The following CCDC63 variants were observed in gnomAD, a reference collection of about 807,000 sequenced individuals.
The protein encoded by CCDC63 is coiled-coil domain-containing protein 63.
In CCDC63, 54 loss-of-function variants were observed where a neutral mutation model predicts 63.6. That is an observed-to-expected ratio of 0.85 (90% CI 0.68 to 1.07). The LOEUF is 1.07. CCDC63 is among the 50% of genes least tolerant of loss of function. CCDC63 has a pLI of 0.00. For missense variants in CCDC63, 637 were observed against 689.6 expected (o/e 0.92, Z 0.86); for synonymous variants, 253 against 266.1 (o/e 0.95, Z 0.48).
intron 3 of CCDC63, among the ~76,000 whole-genome samples, chr12:110,858,274 T>C (rs1018068909): frequency 6.6e-6 from 1 of 152,108 alleles, no homozygotes; most frequent in Non-Finnish European, 1.5e-5. Context: ...GCCAGGGAGT[T>C]GCTGGCAAAG....
At chr12:110,896,739 A>T (rs1441700221) in intron 9 of CCDC63, among the ~76,000 whole-genome samples, 3 of 152,092 alleles carry the variant, frequency 2.0e-5, no homozygotes, top group Non-Finnish European at 4.4e-5. Context: ...GCCAATTAAG[A>T]CTCTGAATCA....
At chr12:110,870,672 C>T (rs1307950509) in intron 4 of CCDC63, among the ~76,000 whole-genome samples, 1 of 152,182 alleles carries the variant, frequency 6.6e-6, no homozygotes, top group Non-Finnish European at 1.5e-5. Context: ...TGTTACCTTC[C>T]TTCAGTCACA....
chr12:110,895,169 A>G (rs1006382863), intron 9 of CCDC63, among the ~76,000 whole-genome samples: 28 of 152,168 alleles, frequency 1.8e-4, no homozygotes, highest in African/African-American at 6.8e-4. Context: ...GCTGGAATGC[A>G]GTGGCACGAT....
intron 4 of CCDC63, among the ~76,000 whole-genome samples, chr12:110,859,295 G>A (rs1001950526): frequency 1.3e-5 from 2 of 152,010 alleles, no homozygotes; most frequent in Admixed American, 6.6e-5. Flanking sequence ...TTCCAGTCTG[G>A]AAGTGAAACA....
In CCDC63 at chr12:110,904,610, C is replaced by T. The variant is rs757358650; in HGVS notation, c.1365C>T (p.Asn455=). 74 of 1,613,946 alleles carry T rather than the reference C, an allele frequency of 4.6e-5. No homozygotes were observed. Among genetic ancestry groups the T allele is most frequent in the Middle Eastern group, 1.6e-4 (1 of 6,084 alleles). The change falls in exon 11 of 12, where the codon AAC becomes AAT. Residue 455 remains asparagine (N), a synonymous_variant. Transcript: ENST00000308208. ...CAGCCATCATTGAAAAGAAGACCAA[C>T]GACCTGCTGCTGTTGGAGACCTACA... ...QYFAIIEKKT[N]DLLLLETYRR...
intron 3 of CCDC63, among the ~76,000 whole-genome samples, chr12:110,857,620 C>A (rs558596379): frequency 3.8e-4 from 58 of 152,202 alleles, no homozygotes; most frequent in African/African-American, 1.4e-3. Flanking sequence ...GTGTCAGTCT[C>A]CAGACTGCCA....
chr12:110,904,893 A>T (rs1024679692), intron 11 of CCDC63, 102 bp downstream of exon 11: 1 of 903,232 alleles, frequency 1.1e-6, no homozygotes, highest in Non-Finnish European at 1.6e-6. Context: ...GCAGTGTTGA[A>T]CCTCGGTTTC....
Position 110,884,253 on chromosome 12 carries a change from C to T in CCDC63, c.1074+3C>T. On this transcript the variant is annotated splice_donor_region_variant and intron_variant, in intron 8 of 11. Coordinates refer to ENST00000308208, the MANE Select transcript of CCDC63 (RefSeq NM_152591.3). ...ACAAGAGGACCCAACGAATCCAGGT[C>T]AGGGCGGCTCTGCTTTCCCAGGCCC... 1 of 1,613,076 alleles carries T rather than the reference C, an allele frequency of 6.2e-7. No individual in the cohort carries two copies. The highest frequency in any genetic ancestry group is 8.5e-7 in the Non-Finnish European group (1 of 1,179,216).
chr12:110,845,276 G>A (rs2070625506), upstream of CCDC63, among the ~76,000 whole-genome samples: 1 of 152,174 alleles, frequency 6.6e-6, no homozygotes, highest in Admixed American at 6.5e-5. Flanking sequence ...GGCTCTGCAT[G>A]GAGCTGAGTG....
Position 110,899,115 on chromosome 12 carries a change from G to A in CCDC63, c.1332G>A (p.Pro444=), listed in dbSNP as rs749340298. 41 of 1,610,668 alleles carry A rather than the reference G, an allele frequency of 2.5e-5. No individual in the cohort carries two copies. The highest frequency in any genetic ancestry group is 2.5e-4 in the East Asian group (11 of 44,742). Residue 444 remains proline (P), a synonymous_variant, in exon 10 of 12, where the codon CCG becomes CCA. Coordinates refer to ENST00000308208, the MANE Select transcript of CCDC63 (RefSeq NM_152591.3). ...ETGKVTDINL[P]QYFAIIEKKT... is the part of the protein sequence containing the mutation. ...GGAAAGTCACTGACATCAACCTTCC[G>A]CAGTATTTTGGTGAGTCAAGCTGGG...
intron 8 of CCDC63, among the ~76,000 whole-genome samples, chr12:110,886,854 G>A (rs1414052181): frequency 3.3e-5 from 5 of 152,142 alleles, no homozygotes; most frequent in African/African-American, 1.2e-4. Flanking sequence ...AGGTCTTCCT[G>A]GACAAGGGTC....
At chr12:110,850,885 C>T (rs2070697318) in intron 1 of CCDC63, among the ~76,000 whole-genome samples, 1 of 152,198 alleles carries the variant, frequency 6.6e-6, no homozygotes, top group African/African-American at 2.4e-5. Flanking sequence ...TCCTTCTCAC[C>T]CTTTGCCCGA....
At chr12:110,868,065 G>A (rs1442537367) in intron 4 of CCDC63, among the ~76,000 whole-genome samples, 26 of 150,138 alleles carry the variant, frequency 1.7e-4, no homozygotes, top group Non-Finnish European at 3.1e-4. Flanking sequence ...GGTCTCGGCC[G>A]GGCAGAGGTG....
intron 8 of CCDC63, among the ~76,000 whole-genome samples, chr12:110,892,818 C>A (rs1204786204): frequency 2.0e-5 from 3 of 146,732 alleles, no homozygotes; most frequent in African/African-American, 2.5e-5. Context: ...GACTTCATCT[C>A]AAAAAAAAAA....
At chr12:110,886,826 T>C (rs1593683583) in intron 8 of CCDC63, among the ~76,000 whole-genome samples, 1 of 152,204 alleles carries the variant, frequency 6.6e-6, no homozygotes, top group Non-Finnish European at 1.5e-5. Context: ...TGCCACTCTC[T>C]GTCCCCCTCC....
At chr12:110,868,604 G>A (rs1027746798) in intron 4 of CCDC63, among the ~76,000 whole-genome samples, 1 of 151,628 alleles carries the variant, frequency 6.6e-6, no homozygotes, top group Non-Finnish European at 1.5e-5. Context: ...GCCTGCAATC[G>A]CAGGCATTCG....
chr12:110,895,161 T>C (rs2071403033), intron 9 of CCDC63, among the ~76,000 whole-genome samples: 1 of 152,202 alleles, frequency 6.6e-6, no homozygotes, highest in Non-Finnish European at 1.5e-5. Context: ...TCGCCCAGGC[T>C]GGAATGCAGT....
intron 5 of CCDC63, 147 bp from the exon 6 acceptor site, chr12:110,879,759 G>A (rs778108956): frequency 1.4e-6 from 1 of 720,922 alleles, no homozygotes; most frequent in Middle Eastern, 3.7e-4. Flanking sequence ...CCAACCAGTT[G>A]AGCCTCTTGC....
Position 110,881,204 on chromosome 12 carries a change from G to A in CCDC63, c.761G>A (p.Arg254His), listed in dbSNP as rs751473319. The part of the protein sequence containing the change: ...QYNLEIRELE[R>H]LYAHESKLKS... ...AACCTGGAGATCCGAGAGCTGGAGC[G>A]TCTCTATGCCCATGAGAGCAAGCTC... The change falls in exon 7 of 12, where the codon CGT (arginine) becomes CAT (histidine). Residue 254 changes from arginine to histidine, a missense_variant. Coordinates refer to ENST00000308208, the MANE Select transcript of CCDC63 (RefSeq NM_152591.3). 9 of 1,613,750 alleles carry A rather than the reference G, an allele frequency of 5.6e-6. No individual in the cohort carries two copies. The highest frequency in any genetic ancestry group is 4.0e-5 in the African/African-American group (3 of 74,996).
Sources: allele counts gnomAD v4.1 joint callset (sites outside exome capture counted in the v4.1 genomes callset), GRCh38; gene constraint gnomAD v4.1.1; transcripts MANE v1.5; gene names NCBI Gene and HGNC (gene_info 2026-07-23, HGNC 2026-07-21).